Variants in MAST2 observed in about 807,000 individuals in gnomAD.
MAST2 encodes the protein microtubule associated serine/threonine kinase 2, also known as microtubule-associated serine/threonine-protein kinase 2.
In MAST2, 70 loss-of-function variants were observed where a neutral mutation model predicts 147.4. The ratio of observed to expected loss-of-function variants is 0.47; its 90% CI spans 0.39 to 0.58. MAST2 has a LOEUF of 0.58. MAST2 is among the 20% of genes least tolerant of loss of function. The pLI is 0.00. For synonymous variants in MAST2, 869 were observed against 896.8 expected (o/e 0.97, Z 0.55); for missense variants, 2,080 against 2,302.3 (o/e 0.90, Z 1.98).
In MAST2 at chr1:46,029,894, G is replaced by T. The variant is rs758116217; in HGVS notation, c.2384G>T (p.Arg795Leu). 3 of 1,614,142 alleles carry T rather than the reference G, an allele frequency of 1.9e-6. No individual in the cohort carries two copies. The highest frequency in any genetic ancestry group is 2.2e-5 in the South Asian group (2 of 91,080). The change falls in exon 20 of 29, where the codon CGC (arginine) becomes CTC (leucine). Residue 795 changes from arginine (R) to leucine (L), a missense_variant. Physicochemically the swap from Arg to Leu is moderately radical, Grantham distance 102 (BLOSUM62 -2). Transcript: ENST00000361297. ...FTGLDWTGLL[R>L]QKAEFIPQLE... ...GGTCTGGACTGGACAGGACTTCTCC[G>T]CCAGAAGGCTGAATTTATTCCTCAG...
chr1:45,967,443 C>T (rs1427011785), intron 5 of MAST2, among the ~76,000 whole-genome samples: 1 of 152,068 alleles, frequency 6.6e-6, no homozygotes, highest in East Asian at 1.9e-4. Flanking sequence ...TTACTGATAA[C>T]ATAGTTAATT....
intron 3 of MAST2, among the ~76,000 whole-genome samples, chr1:45,837,688 A>G (rs1645143606): frequency 6.6e-6 from 1 of 152,188 alleles, no homozygotes; most frequent in Non-Finnish European, 1.5e-5. Context: ...ATTTATCTTT[A>G]TAAGAAACTG....
chr1:45,880,408 T>G (rs1028377220), intron 3 of MAST2, among the ~76,000 whole-genome samples: 1 of 152,146 alleles, frequency 6.6e-6, no homozygotes, highest in Non-Finnish European at 1.5e-5. Flanking sequence ...GATAGTGGTT[T>G]GTTTGGGGAT....
intron 1 of MAST2, among the ~76,000 whole-genome samples, chr1:45,808,760 A>G (rs1644210780): frequency 6.6e-6 from 1 of 152,172 alleles, no homozygotes; most frequent in African/African-American, 2.4e-5. Context: ...TCCCTGGCTA[A>G]TGGTAAGTGC....
intron 3 of MAST2, among the ~76,000 whole-genome samples, chr1:45,839,889 G>T (rs988007886): frequency 1.3e-5 from 2 of 152,208 alleles, no homozygotes; most frequent in Non-Finnish European, 2.9e-5. Context: ...GGAAAAGGTA[G>T]TCTTCATAAC....
At chr1:45,993,989 G>A (rs1644950805) in intron 5 of MAST2, among the ~76,000 whole-genome samples, 1 of 152,174 alleles carries the variant, frequency 6.6e-6, no homozygotes, top group Admixed American at 6.5e-5. Flanking sequence ...GAAAACATGT[G>A]TAGGACAAGG....
intron 10 of MAST2, among the ~76,000 whole-genome samples, chr1:46,011,947 A>G (rs1645732204): frequency 6.6e-6 from 1 of 152,260 alleles, no homozygotes; most frequent in South Asian, 2.1e-4. Flanking sequence ...TACCCCTGAA[A>G]GACATAATTA....
At chr1:45,819,839 A>G (rs1471056158) in intron 1 of MAST2, among the ~76,000 whole-genome samples, 1 of 152,194 alleles carries the variant, frequency 6.6e-6, no homozygotes, top group African/African-American at 2.4e-5. Context: ...AATAGAAAAA[A>G]CAATTCTAAA....
At chr1:45,810,488 C>G (rs959718880) in intron 1 of MAST2, among the ~76,000 whole-genome samples, 1 of 152,054 alleles carries the variant, frequency 6.6e-6, no homozygotes, top group Admixed American at 6.6e-5. Flanking sequence ...TTAAAGAAGC[C>G]TTGATTGTTG....
chr1:45,864,252 G>A (rs771854890), intron 3 of MAST2, among the ~76,000 whole-genome samples: 1 of 152,192 alleles, frequency 6.6e-6, no homozygotes, highest in Admixed American at 6.5e-5. Flanking sequence ...CTGGGGGAAT[G>A]GGGAGCGTTT....
At chr1:45,956,377 A>G (rs1659664250) in intron 4 of MAST2, among the ~76,000 whole-genome samples, 1 of 152,162 alleles carries the variant, frequency 6.6e-6, no homozygotes, top group African/African-American at 2.4e-5. Flanking sequence ...GGGTGGTACA[A>G]TGCCAGTATA....
intron 5 of MAST2, among the ~76,000 whole-genome samples, chr1:45,992,967 G>A (rs1258403142): frequency 6.6e-6 from 1 of 151,886 alleles, no homozygotes; most frequent in Non-Finnish European, 1.5e-5. Context: ...CATTTATAGT[G>A]TATATCTTTA....
At chr1:45,815,976 A>T (rs2148662589) in intron 1 of MAST2, among the ~76,000 whole-genome samples, 1 of 152,352 alleles carries the variant, frequency 6.6e-6, no homozygotes, top group African/African-American at 2.4e-5. Context: ...TGTAGTCCTT[A>T]GCTTAGAACC....
intron 1 of MAST2, among the ~76,000 whole-genome samples, chr1:45,816,018 A>G (rs953964769): frequency 6.6e-6 from 1 of 152,226 alleles, no homozygotes; most frequent in African/African-American, 2.4e-5. Context: ...GGTTATAGAC[A>G]GCCTGGAACC....
chr1:45,931,920 G>C (rs547375048), intron 4 of MAST2, among the ~76,000 whole-genome samples: 80 of 152,090 alleles, frequency 5.3e-4, no homozygotes, highest in African/African-American at 1.9e-3. Context: ...TGAACTCCTG[G>C]GTTCAGGTAA....
At chr1:46,001,121 C>A in intron 6 of MAST2, 1 of 615,260 alleles carries the variant, frequency 1.6e-6, no homozygotes, top group Non-Finnish European at 2.6e-6. Flanking sequence ...CCTTTCATGT[C>A]TTGCAAAGAG....
intron 3 of MAST2, among the ~76,000 whole-genome samples, chr1:45,871,290 G>C (rs1242452578): frequency 6.7e-6 from 1 of 149,832 alleles, no homozygotes; most frequent in Non-Finnish European, 1.5e-5. Flanking sequence ...TTCTACTGGT[G>C]TGTTAGAACA....
Position 46,023,937 on chromosome 1 carries a change from T to G in MAST2, c.1737T>G (p.Phe579Leu). 6.2e-7 allele frequency: 1 copy of G among 1,614,250 alleles called. No homozygotes were observed. The highest frequency in any genetic ancestry group is 1.1e-5 in the South Asian group (1 of 91,090). Reference sequence around the variant, plus strand: ...TTGTGGTCAGCATGTTCTGCTCCTTTGATACCAAGCGCCACTTGTGCATGG... The same window carrying G: ...TTGTGGTCAGCATGTTCTGCTCCTTGGATACCAAGCGCCACTTGTGCATGG... The part of the protein sequence containing the change: ...NPFVVSMFCS[F>L]DTKRHLCMVM... The change falls in exon 15 of 29, where the codon TTT becomes TTG. Residue 579 changes from phenylalanine (F) to leucine (L), a missense_variant. Phe to Leu is a conservative substitution (Grantham distance 22, BLOSUM62 0). Around this residue, in one of 4 missense-constraint regions of MAST2, gnomAD observed 209 missense variants for 309.5 expected, o/e 0.68. Transcript: ENST00000361297. This position sits in a 1 kb window ranked among gnomAD's most constrained non-coding sequence, Gnocchi z 4.9.
intron 4 of MAST2, among the ~76,000 whole-genome samples, chr1:45,945,169 G>A (rs2148823813): frequency 6.6e-6 from 1 of 152,138 alleles, no homozygotes; most frequent in South Asian, 2.1e-4. Context: ...CAGGTGTGGT[G>A]GTGTGCACTT....
Sources: gnomAD v4.1 joint callset for allele counts (sites outside exome capture counted in the v4.1 genomes callset) on GRCh38, gnomAD v4.1.1 for gene constraint, gnomAD v4.1.1 regional missense constraint, Gnocchi (gnomAD v3.1) non-coding constraint, MANE v1.5 for transcripts, NCBI Gene and HGNC (gene_info 2026-07-23, HGNC 2026-07-21) for gene names.